SH3BGRL: variants seen among roughly 807,000 people sequenced by gnomAD.
SH3BGRL encodes SH3 domain binding glutamate rich protein like.
Under a neutral mutation model 9.8 loss-of-function variants are expected in SH3BGRL, and 7 were observed. The observed-to-expected ratio is 0.72, with a 90% CI of 0.41 to 1.35. The LOEUF (loss-of-function observed/expected upper bound fraction) is 1.35, where lower values mean the gene tolerates loss of function less well. SH3BGRL is among the 40% of genes most tolerant of loss of function. SH3BGRL has a pLI of 0.01. For synonymous variants in SH3BGRL, 36 were observed against 29.1 expected, an observed-to-expected ratio of 1.24 and a Z score of -0.76; for missense variants, 73 against 84.4, an observed-to-expected ratio of 0.86 and a Z score of 0.53.
At chrX:81,238,174 G>A (rs2075654511) in intron 1 of SH3BGRL, among the ~76,000 whole-genome samples, 1 of 110,572 alleles carries the variant, frequency 9.0e-6, no homozygotes, top group Admixed American at 9.5e-5. Flanking sequence ...GGAGGGTAGA[G>A]CATCAGGCAA....
At chrX:81,229,615 C>T (rs1267875160) in intron 1 of SH3BGRL, among the ~76,000 whole-genome samples, 1 of 111,520 alleles carries the variant, frequency 9.0e-6, no homozygotes, top group Non-Finnish European at 1.9e-5. Flanking sequence ...TCTGACTGCC[C>T]TGGCCAAACT....
chrX:81,261,366 C>T (rs1378891496), intron 1 of SH3BGRL, among the ~76,000 whole-genome samples: 1 of 111,056 alleles, frequency 9.0e-6, no homozygotes, highest in Non-Finnish European at 1.9e-5. Context: ...CTTAATTGAC[C>T]TACAAATGGT....
intron 1 of SH3BGRL, chrX:81,255,666 G>T (rs1317864666): frequency 8.9e-6 from 1 of 112,140 alleles, no homozygotes; most frequent in Non-Finnish European, 1.9e-5. Context: ...TTGCGATTCT[G>T]TCAGAGTGAT....
intron 1 of SH3BGRL, among the ~76,000 whole-genome samples, chrX:81,256,042 T>C (rs931029101): frequency 8.9e-6 from 1 of 112,171 alleles, no homozygotes; most frequent in Admixed American, 9.4e-5. Context: ...TGGGGGACTT[T>C]CGGAGATTAT....
chrX:81,252,783 C>CA (rs1296354310), intron 1 of SH3BGRL, among the ~76,000 whole-genome samples: 3 of 112,220 alleles, frequency 2.7e-5, no homozygotes, highest in Non-Finnish European at 3.8e-5. Context: ...AGGTTTTAGC[C>CA]ACATTTTTGG....
At chrX:81,253,350 G>A (rs1254794575) in intron 1 of SH3BGRL, among the ~76,000 whole-genome samples, 1 of 111,434 alleles carries the variant, frequency 9.0e-6, no homozygotes, top group African/African-American at 3.3e-5. Flanking sequence ...TTTTCTGTTT[G>A]TTTGTTTGTT....
chrX:81,254,813 G>A (rs910279395), intron 1 of SH3BGRL, among the ~76,000 whole-genome samples: 16 of 111,294 alleles, frequency 1.4e-4, no homozygotes, highest in Admixed American at 1.0e-3. Flanking sequence ...AGGCATTGAT[G>A]TAAACAGATT....
chrX:81,254,197 C>T (rs186679779), intron 1 of SH3BGRL, among the ~76,000 whole-genome samples: 2 of 112,052 alleles, frequency 1.8e-5, no homozygotes, highest in African/African-American at 6.5e-5. Flanking sequence ...CAGTAATGAG[C>T]CCATAGAATT....
At chrX:81,246,617 G>A (rs2075689705) in intron 1 of SH3BGRL, among the ~76,000 whole-genome samples, 1 of 110,956 alleles carries the variant, frequency 9.0e-6, no homozygotes, top group Non-Finnish European at 1.9e-5. Flanking sequence ...GATGACTGTA[G>A]GTGTGCAGCT....
intron 1 of SH3BGRL, among the ~76,000 whole-genome samples, chrX:81,276,383 G>T (rs753466765): frequency 9.1e-6 from 1 of 109,513 alleles, no homozygotes; most frequent in Non-Finnish European, 1.9e-5. Context: ...ACACATAAAA[G>T]ATACCTTAGC....
chrX:81,216,009 T>C (rs146683006), intron 1 of SH3BGRL, among the ~76,000 whole-genome samples: 7,154 of 111,868 alleles, frequency 0.064, 214 homozygotes, highest in Middle Eastern at 0.16. Flanking sequence ...CCCTTTTTCA[T>C]TATCTAAAAA....
chrX:81,205,966 C>G (rs183151845), intron 1 of SH3BGRL, among the ~76,000 whole-genome samples: 2 of 111,116 alleles, frequency 1.8e-5, no homozygotes, highest in African/African-American at 6.5e-5. Flanking sequence ...GTTAGTGATG[C>G]GGAACATTTT....
At chrX:81,260,705 C>A (rs1407353014) in intron 1 of SH3BGRL, among the ~76,000 whole-genome samples, 1 of 110,551 alleles carries the variant, frequency 9.0e-6, no homozygotes, top group African/African-American at 3.3e-5. Flanking sequence ...GAATTTGTGA[C>A]CTTATAATTA....
At chrX:81,276,114 A>G (rs1274048918) in intron 1 of SH3BGRL, among the ~76,000 whole-genome samples, 1 of 110,896 alleles carries the variant, frequency 9.0e-6, no homozygotes, top group Non-Finnish European at 1.9e-5. Context: ...TATGGTTTTA[A>G]ATAGGGGTTA....
chrX:81,286,914 A>G (rs1469227316), intron 3 of SH3BGRL, among the ~76,000 whole-genome samples: 2 of 111,667 alleles, frequency 1.8e-5, no homozygotes, highest in African/African-American at 6.5e-5. Context: ...ATATAAAATA[A>G]GATTAGAAAG....
intron 1 of SH3BGRL, among the ~76,000 whole-genome samples, chrX:81,212,155 A>C (rs934023202): frequency 2.7e-5 from 3 of 111,005 alleles, no homozygotes; most frequent in African/African-American, 9.8e-5. Flanking sequence ...GTAACTTGGG[A>C]GGCCCAGCGG....
intron 1 of SH3BGRL, among the ~76,000 whole-genome samples, chrX:81,231,327 A>T (rs2075632336): frequency 8.9e-6 from 1 of 112,383 alleles, no homozygotes; most frequent in Admixed American, 9.4e-5. Context: ...TCAGTTTATC[A>T]CTTAAAAGAG....
chrX:81,214,807 A>G (rs959803304), intron 1 of SH3BGRL, among the ~76,000 whole-genome samples: 3 of 112,246 alleles, frequency 2.7e-5, no homozygotes, highest in Non-Finnish European at 5.6e-5. Context: ...AATTTTTATT[A>G]CCACCATTTA....
intron 3 of SH3BGRL, 96 bp from the exon 4 acceptor site, chrX:81,297,099 C>T (rs1451002143): frequency 2.0e-5 from 13 of 657,332 alleles, no homozygotes; most frequent in Non-Finnish European, 2.8e-5. Context: ...TTTGTTTATT[C>T]TTAGTAGTTG....
Sources: allele counts gnomAD v4.1 joint callset (sites outside exome capture counted in the v4.1 genomes callset), GRCh38; gene constraint gnomAD v4.1.1; transcripts MANE v1.5; gene names NCBI Gene and HGNC (gene_info 2026-07-23, HGNC 2026-07-21).